The following PLCB1 variants were observed in gnomAD, a reference collection of about 807,000 sequenced individuals.
The protein encoded by PLCB1 is 1-phosphatidylinositol 4,5-bisphosphate phosphodiesterase beta-1.
In PLCB1, 46 loss-of-function variants were observed where a neutral mutation model predicts 161.8. The observed-to-expected ratio is 0.28, with a 90% confidence interval of 0.22 to 0.36. The LOEUF (loss-of-function observed/expected upper bound fraction) is 0.36, where lower values mean the gene tolerates loss of function less well. Ranked by LOEUF, PLCB1 falls within the 10% of genes least tolerant of loss-of-function variation. The probability of loss-of-function intolerance (pLI) is 1.00; values close to 1 mark genes in which losing one functional copy is unlikely to be tolerated. For missense variants in PLCB1, 1,016 were observed against 1,472.5 expected, an observed-to-expected ratio of 0.69 and a Z score of 5.07; for synonymous variants, 517 against 503.7, an observed-to-expected ratio of 1.03 and a Z score of -0.35.
chr20:8,645,903 T>C (rs544654384), intron 4 of PLCB1, among the ~76,000 whole-genome samples, 199 bp from the exon 5 acceptor site: 3 of 152,320 alleles, frequency 2.0e-5, no homozygotes, highest in African/African-American at 7.2e-5. Context: ...AACATCTCCT[T>C]TGGAAAAGAG....
chr20:8,757,374 A>G (rs1433907077), intron 24 of PLCB1, among the ~76,000 whole-genome samples, 196 bp downstream of exon 24: 1 of 152,210 alleles, frequency 6.6e-6, no homozygotes, highest in African/African-American at 2.4e-5. Flanking sequence ...GGCTCTACAG[A>G]TAACTTATGA....
chr20:8,451,243 C>T (rs1981062381), intron 3 of PLCB1, among the ~76,000 whole-genome samples: 1 of 152,096 alleles, frequency 6.6e-6, no homozygotes, highest in Non-Finnish European at 1.5e-5. Context: ...CAATAAGAAA[C>T]ACAAAAGAGT....
intron 9 of PLCB1, 129 bp from the exon 10 acceptor site, chr20:8,684,803 T>C: frequency 1.6e-6 from 1 of 607,794 alleles, no homozygotes; most frequent in Non-Finnish European, 2.9e-6. Context: ...CCTACACTCT[T>C]ATTTATCCAT....
chr20:8,224,654 C>T (rs890020834), intron 2 of PLCB1, among the ~76,000 whole-genome samples: 1 of 152,000 alleles, frequency 6.6e-6, no homozygotes, highest in East Asian at 1.9e-4. Flanking sequence ...GAAAAGTGAA[C>T]AAATCATAAA....
At chr20:8,696,044 G>C (rs1031775182) in intron 10 of PLCB1, among the ~76,000 whole-genome samples, 1 of 152,106 alleles carries the variant, frequency 6.6e-6, no homozygotes, top group African/African-American at 2.4e-5. Flanking sequence ...TCCATTGCTT[G>C]TGTTTTTGGT....
At chr20:8,452,408 A>G (rs1340942942) in intron 3 of PLCB1, among the ~76,000 whole-genome samples, 1 of 152,242 alleles carries the variant, frequency 6.6e-6, no homozygotes, top group East Asian at 1.9e-4. Context: ...GATTTTGAGG[A>G]GAAAACTTAG....
intron 3 of PLCB1, among the ~76,000 whole-genome samples, chr20:8,527,884 C>T (rs939540306): frequency 3.9e-5 from 6 of 151,932 alleles, no homozygotes; most frequent in African/African-American, 1.4e-4. Flanking sequence ...CTCAGTAATC[C>T]CACCCCTAGT....
chr20:8,721,192 A>G (rs1316912333), intron 14 of PLCB1, among the ~76,000 whole-genome samples: 1 of 152,232 alleles, frequency 6.6e-6, no homozygotes, highest in Admixed American at 6.5e-5. Context: ...CTCAGAGGAC[A>G]GTGCAGTGGT....
At chr20:8,866,553 C>T (rs1987435427) in intron 31 of PLCB1, among the ~76,000 whole-genome samples, 1 of 152,096 alleles carries the variant, frequency 6.6e-6, no homozygotes, top group Non-Finnish European at 1.5e-5. Context: ...AGGTTTAACA[C>T]AAAATCCAGA....
chr20:8,789,498 T>C lies in PLCB1; in HGVS notation c.3279-20T>C. 6.6e-7 allele frequency: 1 copy of C among 1,505,144 alleles called. No individual in the cohort carries two copies. The highest frequency in any genetic ancestry group is 9.3e-7 in the Non-Finnish European group (1 of 1,080,516). 93.2% of individuals were successfully genotyped at this position (1,505,144 alleles called of 1,614,324 possible). A position where few individuals can be genotyped will look rare whatever the true frequency, so the allele number is the denominator to read the frequency against. ...TTCTGGATGAATTGGTATAATGATG[T>C]ATTCATCATTTGCTTTTAGGGAGAA... On this transcript the variant is annotated intron_variant, in intron 29 of 31. Coordinates refer to ENST00000338037, the MANE Select transcript of PLCB1 (RefSeq NM_015192.4).
intron 2 of PLCB1, among the ~76,000 whole-genome samples, chr20:8,280,456 T>G (rs1982821845): frequency 6.6e-6 from 1 of 152,234 alleles, no homozygotes; most frequent in African/African-American, 2.4e-5. Context: ...TCTATTTGGG[T>G]TTTTAACTGT....
intron 2 of PLCB1, among the ~76,000 whole-genome samples, chr20:8,254,951 A>C (rs1997653): frequency 0.073 from 11,173 of 152,122 alleles, 503 homozygotes; most frequent in East Asian, 0.17. Context: ...AATGCTTTGT[A>C]ATCTGAAAAG....
chr20:8,857,087 G>A (rs1052137691), intron 31 of PLCB1, among the ~76,000 whole-genome samples: 10 of 152,154 alleles, frequency 6.6e-5, no homozygotes, highest in African/African-American at 1.7e-4. Context: ...CTGCTAGAAC[G>A]ACCGGATCTC....
At chr20:8,803,445 T>TTA in intron 31 of PLCB1, among the ~76,000 whole-genome samples, 1 of 151,468 alleles carries the variant, frequency 6.6e-6, no homozygotes, top group Non-Finnish European at 1.5e-5. Context: ...TTTTTTTTTT[T>TTA]TTTCTACTGC....
At chr20:8,462,454 G>T (rs1218577317) in intron 3 of PLCB1, among the ~76,000 whole-genome samples, 1 of 152,136 alleles carries the variant, frequency 6.6e-6, no homozygotes, top group East Asian at 1.9e-4. Context: ...AGAACAGATT[G>T]ATTTTGTTTC....
At chr20:8,455,432 CTTTTTTTTTTT>C (rs1175763739) in intron 3 of PLCB1, among the ~76,000 whole-genome samples, 4 of 74,168 alleles carry the variant, frequency 5.4e-5, no homozygotes, top group East Asian at 4.2e-4. Flanking sequence ...TATTCTTCCT[CTTTTTTTTTTT>C]TTTTTTTTTT....
At chr20:8,761,418 T>C (rs1165793499) in intron 25 of PLCB1, among the ~76,000 whole-genome samples, 1 of 152,248 alleles carries the variant, frequency 6.6e-6, no homozygotes. Flanking sequence ...TTTTATGATT[T>C]ATGCACTTTG....
chr20:8,535,312 A>G (rs896664807), intron 3 of PLCB1, among the ~76,000 whole-genome samples: 2 of 151,256 alleles, frequency 1.3e-5, no homozygotes, highest in African/African-American at 4.9e-5. Context: ...ATATGCAATT[A>G]TTATATATTA....
chr20:8,225,340 G>A (rs1047841563), intron 2 of PLCB1, among the ~76,000 whole-genome samples: 3 of 152,056 alleles, frequency 2.0e-5, no homozygotes, highest in African/African-American at 7.2e-5. Flanking sequence ...GAAGTGTGAA[G>A]ATACCTTATT....
Sources: gnomAD v4.1 joint callset for allele counts (sites outside exome capture counted in the v4.1 genomes callset) on GRCh38, gnomAD v4.1.1 for gene constraint, MANE v1.5 for transcripts, NCBI Gene and HGNC (gene_info 2026-07-23, HGNC 2026-07-21) for gene names.